Variants in DLG1 observed in about 807,000 individuals in gnomAD.
The protein encoded by DLG1 is discs large MAGUK scaffold protein 1, also known as disks large homolog 1.
In DLG1, 42 loss-of-function variants were observed where a neutral mutation model predicts 123.4. The observed-to-expected ratio is 0.34, with a 90% CI of 0.27 to 0.44. DLG1 has a LOEUF of 0.44. Among genes scored for constraint, DLG1 ranks in the 20% least tolerant of loss-of-function variants. The pLI, the probability that DLG1 is intolerant of heterozygous loss-of-function variation, is 1.00. For missense variants in DLG1, 942 were observed against 1,082.6 expected, an observed-to-expected ratio of 0.87 and a Z score of 1.82; for synonymous variants, 317 against 356.2, an observed-to-expected ratio of 0.89 and a Z score of 1.24.
At chr3:197,098,400 G>A (rs762760391) in intron 14 of DLG1, among the ~76,000 whole-genome samples, 7 of 152,156 alleles carry the variant, frequency 4.6e-5, no homozygotes, top group Non-Finnish European at 8.8e-5. Flanking sequence ...GAGTAACTAA[G>A]TTACTACAAA....
At chr3:197,266,920 G>A (rs146261624) in intron 4 of DLG1, among the ~76,000 whole-genome samples, 201 of 152,226 alleles carry the variant, frequency 1.3e-3, no homozygotes, top group African/African-American at 4.3e-3. Flanking sequence ...GGTGAAAAAC[G>A]TCTAAAGTAG....
chr3:197,142,582 T>C (rs1022583816), intron 7 of DLG1, 136 bp downstream of exon 7: 2 of 523,888 alleles, frequency 3.8e-6, no homozygotes, highest in African/African-American at 4.0e-5. Context: ...TGAAAATACC[T>C]TGGCCAATTT....
chr3:197,106,695 A>G (rs1472263105), intron 13 of DLG1, among the ~76,000 whole-genome samples: 1 of 152,202 alleles, frequency 6.6e-6, no homozygotes, highest in Non-Finnish European at 1.5e-5. Context: ...TTAAGAGCAT[A>G]ATTTGTTGAA....
intron 5 of DLG1, among the ~76,000 whole-genome samples, chr3:197,160,385 G>A (rs1798326494): frequency 6.8e-6 from 1 of 148,032 alleles, no homozygotes; most frequent in Admixed American, 6.7e-5. Context: ...AAAAAAAACT[G>A]TACTAATAAA....
intron 5 of DLG1, among the ~76,000 whole-genome samples, chr3:197,175,171 TACC>T (rs1806342260): frequency 6.6e-6 from 1 of 152,226 alleles, no homozygotes; most frequent in Non-Finnish European, 1.5e-5. Context: ...CTGTTAAAAT[TACC>T]ACATCAGTTG....
chr3:197,112,372 C>T (rs1430699274), intron 13 of DLG1, among the ~76,000 whole-genome samples: 1 of 152,206 alleles, frequency 6.6e-6, no homozygotes, highest in Non-Finnish European at 1.5e-5. Flanking sequence ...GTGCACTTCT[C>T]TGATGCCTAA....
At chr3:197,114,108 T>A (rs988518758) in intron 13 of DLG1, among the ~76,000 whole-genome samples, 1 of 152,106 alleles carries the variant, frequency 6.6e-6, no homozygotes, top group Non-Finnish European at 1.5e-5. Context: ...CAGATTCACA[T>A]CCACTCATAG....
chr3:197,281,466 A>C (rs755995341), intron 4 of DLG1, among the ~76,000 whole-genome samples: 9 of 152,338 alleles, frequency 5.9e-5, no homozygotes, highest in South Asian at 2.1e-4. Flanking sequence ...TGGAGGGGAC[A>C]CATTCAAACC....
rs369164854 is a variant in DLG1 at position 197,136,616 on chromosome 3, A to T, written c.946T>A (p.Tyr316Asn). 6.2e-7 allele frequency: 1 copy of T among 1,613,452 alleles called. No homozygotes were observed. The highest frequency in any genetic ancestry group is 1.3e-5 in the African/African-American group (1 of 74,914). Residue 316 changes from tyrosine to asparagine, a missense_variant, in exon 10 of 25, where the codon TAT (tyrosine) becomes AAT (asparagine). Coordinates refer to ENST00000667157, the MANE Select transcript of DLG1 (RefSeq NM_001366207.1). ...NQHIPGDNSI[Y>N]VTKIIEGGAA... is the part of the protein sequence containing the mutation. Reference sequence around the variant, plus strand: ...CCTCCTTCAATTATTTTGGTTACATAGATGCTATTATCCCCAGGAATATGC... The same window carrying T: ...CCTCCTTCAATTATTTTGGTTACATTGATGCTATTATCCCCAGGAATATGC...
At chr3:197,118,924 A>C (rs1168776822) in intron 12 of DLG1, among the ~76,000 whole-genome samples, 4 of 152,136 alleles carry the variant, frequency 2.6e-5, no homozygotes, top group African/African-American at 9.7e-5. Flanking sequence ...GGATAGCTTG[A>C]GTCTAGGAGT....
In DLG1 at chr3:197,296,470, C is replaced by A; in HGVS notation, c.27G>T (p.Gln9His). The stretch of plus-strand genomic sequence containing the variant: ...ATTCCTCCAAAAGGTGCAATGCTCT[C>A]TGGGTATCTGAGAAGAAAAAGCAGA... The part of the protein sequence containing the change: MPVRKQDT[Q>H]RALHLLEEYR... Residue 9 changes from glutamine to histidine, a missense_variant, in exon 3 of 25, where the codon CAG (glutamine) becomes CAT (histidine). By Grantham distance (24) the Gln-to-His change is conservative. Coordinates refer to ENST00000667157, the MANE Select transcript of DLG1 (RefSeq NM_001366207.1). 6.2e-7 allele frequency: 1 copy of A among 1,613,418 alleles called. No homozygotes were observed.
intron 20 of DLG1, 74 bp from the exon 21 acceptor site, chr3:197,065,883 C>G (rs1739179844): frequency 1.0e-6 from 1 of 971,012 alleles, no homozygotes; most frequent in Non-Finnish European, 1.6e-6. Flanking sequence ...CACCAGCGAA[C>G]AAAAATATCC....
chr3:197,143,424 T>C (rs761228774), intron 6 of DLG1, among the ~76,000 whole-genome samples: 4 of 152,008 alleles, frequency 2.6e-5, no homozygotes, highest in Non-Finnish European at 5.9e-5. Flanking sequence ...GCCCGGCTAA[T>C]TTTTTGTATT....
At chr3:197,166,765 C>A (rs1271636984) in intron 5 of DLG1, among the ~76,000 whole-genome samples, 5 of 152,022 alleles carry the variant, frequency 3.3e-5, no homozygotes, top group African/African-American at 4.8e-5. Context: ...GTGGCGGGCA[C>A]CTGTAATCTC....
chr3:197,055,308 A>C (rs1730917015), intron 23 of DLG1, among the ~76,000 whole-genome samples: 1 of 152,148 alleles, frequency 6.6e-6, no homozygotes, highest in Non-Finnish European at 1.5e-5. Context: ...CTTGTTTTAC[A>C]GTCTTTATTA....
intron 4 of DLG1, among the ~76,000 whole-genome samples, chr3:197,209,185 A>G (rs1730106632): frequency 6.8e-6 from 1 of 146,544 alleles, no homozygotes; most frequent in African/African-American, 2.4e-5. Context: ...AGGCAGAGTG[A>G]AAGCATATGA....
Position 197,278,488 on chromosome 3 carries a change from T to C in DLG1, c.318+4191A>G, listed in dbSNP as rs576638019. ...ACAGTTTCTAAAAAAACAAAAAAAG[T>C]AGTACAAAAAAGAAAAAAATCCCTA... On this transcript the variant is annotated intron_variant, in intron 4 of 24. Transcript: ENST00000667157. 3.3e-5 allele frequency among the ~76,000 whole-genome samples: 5 copies of C among 150,294 alleles called. No homozygotes were observed. The South Asian group carries it at 1.1e-3, about 32-fold the overall frequency.
intron 4 of DLG1, among the ~76,000 whole-genome samples, chr3:197,273,867 C>CAAAAAAAAAAAAAAAAAA (rs1373412270): frequency 2.3e-5 from 1 of 43,556 alleles, no homozygotes; most frequent in Non-Finnish European, 4.8e-5. Flanking sequence ...AAAAAAAAAC[C>CAAAAAAAAAAAAAAAAAA]AAAACAAACC....
chr3:197,172,869 A>T (rs1056466794), intron 5 of DLG1, among the ~76,000 whole-genome samples: 3 of 152,250 alleles, frequency 2.0e-5, no homozygotes, highest in Admixed American at 2.0e-4. Flanking sequence ...GTCTTGGTCA[A>T]GCATATTTGC....
Sources: allele counts gnomAD v4.1 joint callset (sites outside exome capture counted in the v4.1 genomes callset), GRCh38; gene constraint gnomAD v4.1.1; transcripts MANE v1.5; gene names NCBI Gene and HGNC (gene_info 2026-07-23, HGNC 2026-07-21).